The following CACNA2D3 variants were observed in gnomAD, a reference collection of about 807,000 sequenced individuals.
CACNA2D3 encodes the protein calcium voltage-gated channel auxiliary subunit alpha2delta 3.
A neutral mutation model predicts 160.6 loss-of-function variants in CACNA2D3; 60 were observed. The ratio of observed to expected loss-of-function variants is 0.37; its 90% confidence interval spans 0.30 to 0.46. CACNA2D3 has a LOEUF of 0.46. Ranked by LOEUF, CACNA2D3 falls within the 20% of genes least tolerant of loss-of-function variation. The pLI, the probability that CACNA2D3 is intolerant of heterozygous loss-of-function variation, is 1.00. For missense variants in CACNA2D3, 1,205 were observed against 1,365.0 expected (o/e 0.88, Z 1.85); for synonymous variants, 558 against 492.9 (o/e 1.13, Z -1.75).
intron 4 of CACNA2D3, among the ~76,000 whole-genome samples, chr3:54,473,033 T>C (rs145107763): frequency 6.6e-6 from 1 of 152,192 alleles, no homozygotes; most frequent in Admixed American, 6.5e-5. Context: ...AAAAAACTAC[T>C]TTAAATTTTG....
At chr3:54,178,242 G>T (rs1700712597) in intron 2 of CACNA2D3, among the ~76,000 whole-genome samples, 1 of 152,208 alleles carries the variant, frequency 6.6e-6, no homozygotes, top group East Asian at 1.9e-4. Context: ...GCCCTAAGAT[G>T]AGAAGCTCTG....
At chr3:54,883,543 G>C (rs1699851395) in intron 21 of CACNA2D3, among the ~76,000 whole-genome samples, 1 of 152,138 alleles carries the variant, frequency 6.6e-6, no homozygotes, top group East Asian at 1.9e-4. Context: ...TCTTTTCTGA[G>C]TGTCATTTAT....
intron 11 of CACNA2D3, among the ~76,000 whole-genome samples, chr3:54,738,884 G>A (rs999507900): frequency 6.6e-6 from 1 of 152,146 alleles, no homozygotes; most frequent in Non-Finnish European, 1.5e-5. Flanking sequence ...GGGCATGGTG[G>A]CTTACATGTG....
chr3:55,000,286 G>A (rs1380542966), intron 31 of CACNA2D3, among the ~76,000 whole-genome samples: 1 of 152,168 alleles, frequency 6.6e-6, no homozygotes, highest in Non-Finnish European at 1.5e-5. Flanking sequence ...TAATAATCTG[G>A]AAGTCTCCTG....
chr3:54,289,687 A>G (rs1400913517), intron 2 of CACNA2D3, among the ~76,000 whole-genome samples: 1 of 152,264 alleles, frequency 6.6e-6, no homozygotes. Context: ...CCAAAACAGC[A>G]TGGTAGTGGT....
intron 3 of CACNA2D3, among the ~76,000 whole-genome samples, chr3:54,332,166 G>A (rs1248926107): frequency 1.3e-5 from 2 of 152,166 alleles, no homozygotes. Context: ...TGGCAGGAAC[G>A]GGACAATAAA....
At chr3:54,345,272 A>AC (rs1257395728) in intron 3 of CACNA2D3, among the ~76,000 whole-genome samples, 3 of 152,166 alleles carry the variant, frequency 2.0e-5, no homozygotes, top group Non-Finnish European at 4.4e-5. Flanking sequence ...CTGGATCGGG[A>AC]CCCCTTTCCT....
intron 3 of CACNA2D3, among the ~76,000 whole-genome samples, chr3:54,351,069 C>T (rs1437001446): frequency 6.8e-6 from 1 of 147,768 alleles, no homozygotes; most frequent in East Asian, 2.0e-4. Flanking sequence ...GCAACCTCCA[C>T]CTCCTGGGCT....
At chr3:54,551,976 T>C (rs1702165521) in intron 5 of CACNA2D3, among the ~76,000 whole-genome samples, 1 of 152,204 alleles carries the variant, frequency 6.6e-6, no homozygotes, top group Admixed American at 6.5e-5. Flanking sequence ...TGTTTTAAAT[T>C]AGTGAATATT....
chr3:54,394,389 T>C (rs1317040391), intron 4 of CACNA2D3, among the ~76,000 whole-genome samples: 1 of 149,224 alleles, frequency 6.7e-6, no homozygotes, highest in Non-Finnish European at 1.5e-5. Flanking sequence ...TACATATGTA[T>C]ACATGTGCCA....
chr3:55,033,380 T>G (rs994902578), intron 35 of CACNA2D3, among the ~76,000 whole-genome samples: 4 of 152,014 alleles, frequency 2.6e-5, no homozygotes, highest in Non-Finnish European at 5.9e-5. Flanking sequence ...CCCTGAGTTC[T>G]CTCCTCTAGA....
chr3:54,363,997 A>C (rs535356048), intron 3 of CACNA2D3, among the ~76,000 whole-genome samples: 33 of 152,226 alleles, frequency 2.2e-4, no homozygotes, highest in Middle Eastern at 6.8e-3. Context: ...AGAGTATCTG[A>C]AGAGACCGAC....
chr3:54,492,573 G>A (rs773931642), intron 4 of CACNA2D3, among the ~76,000 whole-genome samples: 2 of 152,198 alleles, frequency 1.3e-5, no homozygotes, highest in Non-Finnish European at 2.9e-5. Context: ...CTTGTGAGAG[G>A]CCTGTGGATC....
At chr3:54,675,234 CCA>C (rs1700219462) in intron 11 of CACNA2D3, among the ~76,000 whole-genome samples, 1 of 152,064 alleles carries the variant, frequency 6.6e-6, no homozygotes. Context: ...GCAGAATTTT[CCA>C]AGGACAGACA....
At chr3:54,485,738 A>G (rs1043741431) in intron 4 of CACNA2D3, among the ~76,000 whole-genome samples, 1 of 151,926 alleles carries the variant, frequency 6.6e-6, no homozygotes, top group Non-Finnish European at 1.5e-5. Context: ...CAATTTTTAT[A>G]TTTTTAGTAG....
chr3:54,246,697 C>T (rs1391254538), intron 2 of CACNA2D3, among the ~76,000 whole-genome samples: 1 of 149,382 alleles, frequency 6.7e-6, no homozygotes, highest in Non-Finnish European at 1.5e-5. Flanking sequence ...GCACTCCAGC[C>T]TGGGCAACAG....
At chr3:54,472,653 A>G (rs536295205) in intron 4 of CACNA2D3, among the ~76,000 whole-genome samples, 1 of 152,346 alleles carries the variant, frequency 6.6e-6, no homozygotes, top group East Asian at 1.9e-4. Context: ...TCTCAGCCCA[A>G]AATCTCCTTA....
chr3:54,523,729 T>A (rs1701682605), intron 5 of CACNA2D3, among the ~76,000 whole-genome samples: 2 of 152,106 alleles, frequency 1.3e-5, no homozygotes, highest in Non-Finnish European at 2.9e-5. Flanking sequence ...TGGGTCACTT[T>A]TCGTGGTTTG....
chr3:54,416,500 G>A (rs531662226), intron 4 of CACNA2D3, among the ~76,000 whole-genome samples: 1 of 152,220 alleles, frequency 6.6e-6, no homozygotes, highest in South Asian at 2.1e-4. Context: ...AAAGCCACAG[G>A]TGATTGGTTA....
Sources: allele counts gnomAD v4.1 joint callset (sites outside exome capture counted in the v4.1 genomes callset), GRCh38; gene constraint gnomAD v4.1.1; transcripts MANE v1.5; gene names NCBI Gene and HGNC (gene_info 2026-07-23, HGNC 2026-07-21).